WDR76: variants seen among roughly 807,000 people sequenced by gnomAD.
WDR76 encodes the protein WD repeat domain 76.
WDR76 carries 52 observed loss-of-function variants against 70.2 expected under a neutral mutation model. The observed-to-expected ratio is 0.74, with a 90% CI of 0.59 to 0.93. The LOEUF (loss-of-function observed/expected upper bound fraction) is 0.93. Among genes scored for constraint, WDR76 ranks in the 40% least tolerant of loss-of-function variants. WDR76 has a pLI of 0.00. For synonymous variants in WDR76, 292 were observed against 271.1 expected (o/e 1.08, Z -0.76); for missense variants, 756 against 760.2 (o/e 0.99, Z 0.07).
At chr15:43,861,832 A>ATTTTT (rs898404641) in intron 12 of WDR76, among the ~76,000 whole-genome samples, 22 of 104,746 alleles carry the variant, frequency 2.1e-4, no homozygotes, top group Non-Finnish European at 3.1e-4. Context: ...GTATTTGTGT[A>ATTTTT]TTTTTTTTTT....
At chr15:43,861,107 A>T (rs1003922190) in intron 11 of WDR76, among the ~76,000 whole-genome samples, 1 of 150,384 alleles carries the variant, frequency 6.6e-6, no homozygotes, top group Non-Finnish European at 1.5e-5. Context: ...TTTTGTACAG[A>T]TGGGTCTCAC....
chr15:43,850,803 G>T (rs1218772129), intron 8 of WDR76, among the ~76,000 whole-genome samples: 1 of 152,104 alleles, frequency 6.6e-6, no homozygotes, highest in East Asian at 1.9e-4. Context: ...CATTTCCTGA[G>T]GATTTTATAA....
intron 5 of WDR76, among the ~76,000 whole-genome samples, chr15:43,840,928 T>C (rs2087716389): frequency 2.6e-5 from 4 of 151,810 alleles, no homozygotes. Context: ...TATATATATA[T>C]ATTTATTTAC....
At chr15:43,855,848 CAA>C (rs374594304) in intron 9 of WDR76, among the ~76,000 whole-genome samples, 8 of 110,998 alleles carry the variant, frequency 7.2e-5, no homozygotes, top group African/African-American at 1.8e-4. Flanking sequence ...GACTCTGTCT[CAA>C]AAAAAAAAAA....
rs202129705 is a variant in WDR76, at chr15:43,828,287, C to G, written c.383C>G (p.Thr128Arg). 2.5e-6 allele frequency: 4 copies of G among 1,614,104 alleles called. No homozygotes were observed. Among genetic ancestry groups the G allele is most frequent in the Admixed American group, 1.7e-5 (1 of 60,010 alleles). ...TESNKLQPKR[T>R]ADAMNLSVDV... ...AGTAACAAGCTACAACCCAAGAGAA[C>G]GGCAGATGCGATGAATCTCAGTGTT... Residue 128 changes from threonine (T) to arginine (R), a missense_variant, in exon 2 of 13, where the codon ACG becomes AGG. Coordinates refer to ENST00000263795, the MANE Select transcript of WDR76 (RefSeq NM_024908.4).
chr15:43,830,074 C>T (rs1265008093), intron 2 of WDR76, among the ~76,000 whole-genome samples: 1 of 150,364 alleles, frequency 6.7e-6, no homozygotes, highest in African/African-American at 2.5e-5. Context: ...GAGGTGTTGC[C>T]CAAGCTGGTC....
chr15:43,836,998 C>T (rs2087664265), intron 4 of WDR76, among the ~76,000 whole-genome samples: 1 of 151,016 alleles, frequency 6.6e-6, no homozygotes, highest in African/African-American at 2.4e-5. Flanking sequence ...CAAGATTGCA[C>T]CATTGCACTC....
At chr15:43,846,903 T>C (rs1054984631) in intron 8 of WDR76, among the ~76,000 whole-genome samples, 6 of 150,506 alleles carry the variant, frequency 4.0e-5, no homozygotes, top group South Asian at 4.2e-4. Context: ...ATGCCTGTAA[T>C]CCCAGCTACT....
In WDR76 at chr15:43,858,918, T is replaced by A. The variant is rs1208884326; in HGVS notation, c.1562+95T>A. The A allele has an allele frequency of 2.8e-6, 4 of 1,427,430 alleles. No individual in the cohort carries two copies. In the East Asian group the frequency reaches 9.2e-5, roughly 33 times the overall value. The allele number at this position is 1,427,430 out of a possible 1,614,324, so 88.4% of individuals were successfully genotyped here. A position where few individuals can be genotyped will look rare whatever the true frequency, so the allele number is the denominator to read the frequency against. On this transcript the variant is annotated intron_variant, in intron 11 of 12. Transcript: ENST00000263795. ...AAGCTTTGTTTACTGCTGTTCCCTA[T>A]TAAATTGCTAGTGTTATTGTTTAGT... is the stretch of plus-strand genomic sequence containing the variant.
Position 43,828,353 on chromosome 15 carries a change from C to A in WDR76, c.449C>A (p.Thr150Asn). The A allele has an allele frequency of 1.2e-6, 2 of 1,603,462 alleles. No individual in the cohort carries two copies. The highest frequency in any genetic ancestry group is 1.7e-6 in the Non-Finnish European group (2 of 1,175,400). ...CAGGATGGAGACAGTGATGAAGATACCACACCATCCCTGGTAAGAACTTAA... is the reference window on the plus strand; with the variant it reads ...CAGGATGGAGACAGTGATGAAGATAACACACCATCCCTGGTAAGAACTTAA... The part of the protein sequence containing the change: ...SSQDGDSDED[T>N]TPSLDFSGLS... The change falls in exon 2 of 13, where the codon ACC becomes AAC. Residue 150 changes from threonine (T) to asparagine (N), a missense_variant. Thr to Asn is a moderately conservative substitution (Grantham distance 65, BLOSUM62 0). Coordinates refer to ENST00000263795, the MANE Select transcript of WDR76 (RefSeq NM_024908.4).
chr15:43,839,549 G>A lies in WDR76; in HGVS notation c.609-56G>A. The stretch of plus-strand genomic sequence containing the variant: ...CCTAGAAGTTATCTCTTTAGTATTA[G>A]TAAATACATTTTATTGTTTTGTGAG... On this transcript the variant is annotated intron_variant, in intron 4 of 12. Coordinates refer to ENST00000263795, the MANE Select transcript of WDR76 (RefSeq NM_024908.4). The A allele has an allele frequency of 1.9e-6, 3 of 1,541,920 alleles. No homozygotes were observed. In the East Asian group the frequency reaches 6.9e-5, roughly 36 times the overall value.
At chr15:43,843,753 G>T in intron 7 of WDR76, 148 bp from the exon 8 acceptor site, 1 of 707,372 alleles carries the variant, frequency 1.4e-6, no homozygotes, top group Non-Finnish European at 2.1e-6. Context: ...AAAGAATATT[G>T]CTTAATTTGA....
intron 8 of WDR76, among the ~76,000 whole-genome samples, chr15:43,849,826 G>A (rs527289900): frequency 2.6e-5 from 4 of 152,124 alleles, no homozygotes; most frequent in Admixed American, 6.6e-5. Flanking sequence ...GAGCCACCGC[G>A]CCTGGCCTGG....
At chr15:43,859,872 A>G (rs1191572998) in intron 11 of WDR76, among the ~76,000 whole-genome samples, 1 of 152,214 alleles carries the variant, frequency 6.6e-6, no homozygotes, top group Admixed American at 6.5e-5. Flanking sequence ...CAAGGAGAAG[A>G]GAAGGAGGTG....
chr15:43,835,698 G>A lies in WDR76; in HGVS notation c.553-463G>A, dbSNP rs1250634711. The stretch of plus-strand genomic sequence containing the variant: ...TTTGAGACGGAGTTTTGCTCTTGTT[G>A]CCCAGGCTGGAGTGCAATGGCACGA... On this transcript the variant is annotated intron_variant, in intron 3 of 12. Transcript: ENST00000263795. Among the ~76,000 whole-genome samples the A allele has an allele frequency of 1.6e-4, 23 of 144,320 alleles. No individual in the cohort carries two copies. In the East Asian group the frequency reaches 3.4e-3, roughly 22 times the overall value. The allele number at this position is 144,320 out of a possible 152,430, so 94.7% of individuals were successfully genotyped here. A position where few individuals can be genotyped will look rare whatever the true frequency, so the allele number is the denominator to read the frequency against.
At chr15:43,833,260 G>A (rs2087612697) in intron 2 of WDR76, among the ~76,000 whole-genome samples, 1 of 151,656 alleles carries the variant, frequency 6.6e-6, no homozygotes, top group South Asian at 2.1e-4. Context: ...GAACTTCTGG[G>A]CTCCAGTGAT....
chr15:43,856,812 C>G, intron 9 of WDR76, 134 bp from the exon 10 acceptor site: 1 of 713,542 alleles, frequency 1.4e-6, no homozygotes, highest in South Asian at 1.9e-5. Context: ...TCCTGTGCAT[C>G]TGATGGGGAT....
intron 2 of WDR76, among the ~76,000 whole-genome samples, chr15:43,832,743 G>GGT (rs1465707440): frequency 1.5e-4 from 10 of 68,114 alleles, no homozygotes; most frequent in Admixed American, 1.0e-3. Flanking sequence ...GGCTTGCTTT[G>GGT]TTTTTTTTTT....
At chr15:43,851,323 A>G in intron 9 of WDR76, 78 bp downstream of exon 9, 1 of 1,557,026 alleles carries the variant, frequency 6.4e-7, no homozygotes, top group Middle Eastern at 1.7e-4. Context: ...TAATTATTAT[A>G]CCAATTGGGA....
Sources: gnomAD v4.1 joint callset for allele counts (sites outside exome capture counted in the v4.1 genomes callset) on GRCh38, gnomAD v4.1.1 for gene constraint, MANE v1.5 for transcripts, NCBI Gene and HGNC (gene_info 2026-07-23, HGNC 2026-07-21) for gene names.